Variants in EPB41L4A observed in about 807,000 individuals in gnomAD.
The protein encoded by EPB41L4A is band 4.1-like protein 4A.
EPB41L4A carries 100 observed loss-of-function variants against 108.6 expected under a neutral mutation model. That is an observed-to-expected ratio of 0.92 (90% CI 0.78 to 1.09). The LOEUF is 1.09. Ranked by LOEUF, EPB41L4A falls within the 50% of genes least tolerant of loss-of-function variation. The pLI is 0.00. For synonymous variants in EPB41L4A, 319 were observed against 289.0 expected (o/e 1.10, Z -1.05); for missense variants, 1,030 against 842.7 (o/e 1.22, Z -2.75).
At chr5:112,201,497 T>C (rs1269507341) in intron 15 of EPB41L4A, among the ~76,000 whole-genome samples, 1 of 152,220 alleles carries the variant, frequency 6.6e-6, no homozygotes, top group Admixed American at 6.5e-5. Context: ...TTTAGCAAAA[T>C]GTAATTAAGC....
At chr5:112,358,016 G>A (rs551918082) in intron 1 of EPB41L4A, among the ~76,000 whole-genome samples, 14 of 152,360 alleles carry the variant, frequency 9.2e-5, no homozygotes, top group South Asian at 4.1e-4. Context: ...GGTGGAAAGA[G>A]TGGAGGCTAC....
upstream of EPB41L4A, chr5:112,419,517 C>G (rs527764712): frequency 1.3e-5 from 5 of 392,056 alleles, no homozygotes; most frequent in Admixed American, 1.2e-4. Flanking sequence ...TCCTGGCGTC[C>G]GATCGGCCTG....
chr5:112,195,555 A>T, intron 16 of EPB41L4A, 106 bp downstream of exon 16: 1 of 972,196 alleles, frequency 1.0e-6, no homozygotes, highest in East Asian at 2.6e-5. Context: ...TTGAAAGTAA[A>T]AAAAATAAAA....
intron 8 of EPB41L4A, 43 bp from the exon 9 acceptor site, chr5:112,259,335 T>C (rs1751333741): frequency 6.5e-7 from 1 of 1,536,734 alleles, no homozygotes; most frequent in East Asian, 2.2e-5. Context: ...TTTTAAGTAT[T>C]AACCTTTCAG....
intron 2 of EPB41L4A, among the ~76,000 whole-genome samples, chr5:112,298,931 C>G (rs143456899): frequency 1.3e-5 from 2 of 152,082 alleles, no homozygotes; most frequent in African/African-American, 2.4e-5. Flanking sequence ...AGTTTATGCA[C>G]GTAAATGTGT....
At chr5:112,320,595 C>T (rs1402928161) in intron 1 of EPB41L4A, among the ~76,000 whole-genome samples, 1 of 152,144 alleles carries the variant, frequency 6.6e-6, no homozygotes, top group African/African-American at 2.4e-5. Flanking sequence ...CTTAAGTTAT[C>T]CCACATGAGA....
chr5:112,171,605 C>G (rs1032678507), intron 18 of EPB41L4A, among the ~76,000 whole-genome samples: 37 of 152,354 alleles, frequency 2.4e-4, no homozygotes, highest in African/African-American at 7.7e-4. Flanking sequence ...CTCTGCAAAT[C>G]TTTTCTCCAA....
At chr5:112,217,602 G>A (rs532388560) in intron 12 of EPB41L4A, among the ~76,000 whole-genome samples, 2 of 152,260 alleles carry the variant, frequency 1.3e-5, no homozygotes, top group East Asian at 1.9e-4. Context: ...TGAGACTGAG[G>A]CAGGAGGATT....
chr5:112,234,031 G>A (rs914018686), intron 12 of EPB41L4A, among the ~76,000 whole-genome samples: 9 of 151,666 alleles, frequency 5.9e-5, no homozygotes, highest in African/African-American at 1.2e-4. Context: ...CAAAAAGAAC[G>A]TATGGGGCCA....
intron 2 of EPB41L4A, among the ~76,000 whole-genome samples, chr5:112,306,521 T>C (rs1341911169): frequency 6.6e-6 from 1 of 152,156 alleles, no homozygotes; most frequent in Non-Finnish European, 1.5e-5. Flanking sequence ...TCACTGAATG[T>C]ACCACAAATG....
intron 12 of EPB41L4A, among the ~76,000 whole-genome samples, chr5:112,230,752 G>A (rs1317594768): frequency 6.6e-6 from 1 of 152,054 alleles, no homozygotes; most frequent in Admixed American, 6.6e-5. Context: ...ATTTATTTTT[G>A]TTTTTGTTGC....
intron 2 of EPB41L4A, among the ~76,000 whole-genome samples, chr5:112,285,000 T>C (rs1368815712): frequency 6.6e-6 from 1 of 152,190 alleles, no homozygotes; most frequent in African/African-American, 2.4e-5. Flanking sequence ...TCAAAAGATA[T>C]ATATTAAATT....
At chr5:112,403,371 C>T (rs987491785) in intron 1 of EPB41L4A, among the ~76,000 whole-genome samples, 1 of 148,102 alleles carries the variant, frequency 6.8e-6, no homozygotes, top group Non-Finnish European at 1.5e-5. Flanking sequence ...CAGAGTCTTA[C>T]AAAGGCTAAA....
intron 2 of EPB41L4A, among the ~76,000 whole-genome samples, chr5:112,306,025 T>C (rs1427916051): frequency 2.0e-5 from 3 of 152,142 alleles, no homozygotes; most frequent in Admixed American, 6.6e-5. Flanking sequence ...ACATTTTTCC[T>C]TTGCAAAGTT....
intron 1 of EPB41L4A, among the ~76,000 whole-genome samples, chr5:112,359,642 A>G (rs1319843020): frequency 1.3e-5 from 2 of 151,312 alleles, no homozygotes; most frequent in Non-Finnish European, 1.5e-5. Context: ...CCGGGTTCAC[A>G]CCATTCTCCT....
In EPB41L4A at chr5:112,419,211, G is replaced by A. The variant is rs949516435; in HGVS notation, c.-172C>T. The A allele has an allele frequency of 2.0e-6, 1 of 494,908 alleles. No homozygotes were observed. The allele number at this position is 494,908 out of a possible 1,614,324, so 30.7% of individuals were successfully genotyped here. ...CGCCGAACCGCCCGGCGGGGCGGGA[G>A]CGAGAAAGGCGGAAAAGCCCGGGAG... is the stretch of plus-strand genomic sequence containing the variant. On this transcript the variant is annotated 5_prime_UTR_variant, in exon 1 of 23. Transcript: ENST00000261486.
At chr5:112,236,335 A>G (rs1749328693) in intron 11 of EPB41L4A, among the ~76,000 whole-genome samples, 1 of 152,194 alleles carries the variant, frequency 6.6e-6, no homozygotes, top group South Asian at 2.1e-4. Flanking sequence ...GGCTGATGGC[A>G]TGGGAGAAGG....
At chr5:112,391,915 A>G (rs978847325) in intron 1 of EPB41L4A, among the ~76,000 whole-genome samples, 4 of 152,236 alleles carry the variant, frequency 2.6e-5, no homozygotes, top group African/African-American at 9.6e-5. Flanking sequence ...AGTGGGGGCC[A>G]GTATTCAACA....
intron 2 of EPB41L4A, among the ~76,000 whole-genome samples, chr5:112,287,884 C>T (rs971590179): frequency 2.6e-5 from 4 of 152,116 alleles, no homozygotes; most frequent in Admixed American, 2.6e-4. Flanking sequence ...TGCTGATTGG[C>T]TTCATTTTGC....
Sources: gnomAD v4.1 joint callset for allele counts (sites outside exome capture counted in the v4.1 genomes callset) on GRCh38, gnomAD v4.1.1 for gene constraint, MANE v1.5 for transcripts, NCBI Gene and HGNC (gene_info 2026-07-23, HGNC 2026-07-21) for gene names.